ZNF610: variants seen among roughly 807,000 people sequenced by gnomAD.
The protein encoded by ZNF610 is zink finger protein.
Under a neutral mutation model 14.1 loss-of-function variants are expected in ZNF610, and 14 were observed. That is an observed-to-expected ratio of 0.99 (90% CI 0.65 to 1.55). The LOEUF is 1.55. Among genes scored for constraint, ZNF610 ranks in the 40% most tolerant of loss-of-function variants. The pLI, the probability that ZNF610 is intolerant of heterozygous loss-of-function variation, is 0.00. For synonymous variants in ZNF610, 185 were observed against 187.6 expected, an observed-to-expected ratio of 0.99 and a Z score of 0.11; for missense variants, 530 against 558.0, an observed-to-expected ratio of 0.95 and a Z score of 0.51.
chr19:52,333,279 C>A (rs2122148902), upstream of ZNF610, among the ~76,000 whole-genome samples: 2 of 152,328 alleles, frequency 1.3e-5, no homozygotes, highest in South Asian at 4.1e-4. Flanking sequence ...GCCAAGCAGG[C>A]AGTAGGTGGA....
Position 52,366,080 on chromosome 19 carries a change from T to C in ZNF610, c.702T>C (p.Cys234=), listed in dbSNP as rs545293909. ...ATACTGCAGAGAAACCTTACAAATG[T>C]ACTGAATGTGGCAAGGTCTTCAGTC... ...VIHTAEKPYK[C]TECGKVFSRN... The change falls in exon 6 of 6, where the codon TGT becomes TGC. Residue 234 remains cysteine, a synonymous_variant. Coordinates refer to ENST00000403906, the MANE Select transcript of ZNF610 (RefSeq NM_001161425.2). The C allele has an allele frequency of 1.2e-6, 2 of 1,614,120 alleles. No individual in the cohort carries two copies. Among genetic ancestry groups the C allele is most frequent in the South Asian group, 2.2e-5 (2 of 91,072 alleles).
rs1986140016 is a variant in ZNF610, at chr19:52,367,107, T to G, written c.*340T>G. The stretch of plus-strand genomic sequence containing the variant: ...ACTTCTCATGTTTTAAGTAATAAAG[T>G]TTAAAGTTTTTTTTTAGTTTTTTCT... On this transcript the variant is annotated 3_prime_UTR_variant, in exon 6 of 6. Transcript: ENST00000403906. 1.5e-5 allele frequency: 2 copies of G among 133,322 alleles called. No individual in the cohort carries two copies. Among genetic ancestry groups the G allele is most frequent in the Admixed American group, 2.1e-4 (2 of 9,330 alleles). The allele number at this position is 133,322 out of a possible 1,614,324, so 8.3% of individuals were successfully genotyped here. A position where few individuals can be genotyped will look rare whatever the true frequency, so the allele number is the denominator to read the frequency against.
At chr19:52,361,862 A>G (rs1287532591) in intron 5 of ZNF610, among the ~76,000 whole-genome samples, 3 of 151,684 alleles carry the variant, frequency 2.0e-5, no homozygotes, top group African/African-American at 7.3e-5. Context: ...CTACCTTTCT[A>G]TTTAGTTTGG....
chr19:52,357,441 C>T (rs1374575009), intron 5 of ZNF610, among the ~76,000 whole-genome samples: 4 of 151,924 alleles, frequency 2.6e-5, no homozygotes, highest in Admixed American at 6.6e-5. Context: ...GTCAGGAGAT[C>T]GAGATCATCC....
chr19:52,346,779 G>A (rs898285864), intron 1 of ZNF610, among the ~76,000 whole-genome samples: 8 of 151,918 alleles, frequency 5.3e-5, no homozygotes, highest in African/African-American at 2.4e-5. Flanking sequence ...CACCAGGCTG[G>A]AGTACAGTGG....
intron 5 of ZNF610, 53 bp from the exon 6 acceptor site, chr19:52,365,645 C>G: frequency 6.7e-7 from 1 of 1,486,648 alleles, no homozygotes. Flanking sequence ...CTCCACCAGA[C>G]GGTAAACATG....
intron 5 of ZNF610, among the ~76,000 whole-genome samples, chr19:52,355,101 A>G (rs909782034): frequency 6.6e-6 from 1 of 152,202 alleles, no homozygotes; most frequent in Non-Finnish European, 1.5e-5. Context: ...GCACCCTGTC[A>G]TGTGGCTTCT....
chr19:52,352,083 C>G (rs1985283399), intron 3 of ZNF610, among the ~76,000 whole-genome samples: 1 of 152,174 alleles, frequency 6.6e-6, no homozygotes, highest in Non-Finnish European at 1.5e-5. Flanking sequence ...GTCTTGCTGA[C>G]ATTACTCTTT....
intron 5 of ZNF610, 131 bp from the exon 6 acceptor site, chr19:52,365,567 C>T (rs1472348281): frequency 1.2e-6 from 1 of 830,132 alleles, no homozygotes; most frequent in Non-Finnish European, 1.9e-6. Flanking sequence ...TCAGCTCTCA[C>T]AATGTGACAT....
chr19:52,336,236 G>GT, upstream of ZNF610: 5 of 250,176 alleles, frequency 2.0e-5, no homozygotes, highest in Non-Finnish European at 3.9e-5. Context: ...CGCGCGCGCA[G>GT]TTTTTTGCAG....
At chr19:52,361,346 T>C (rs550705421) in intron 5 of ZNF610, among the ~76,000 whole-genome samples, 1 of 151,956 alleles carries the variant, frequency 6.6e-6, no homozygotes, top group South Asian at 2.1e-4. Context: ...GCCTGGCTAA[T>C]TTTTTGTATT....
Position 52,337,183 on chromosome 19 carries a change from T to C in ZNF610, c.-258+677T>C, listed in dbSNP as rs574910420. Among the ~76,000 whole-genome samples the C allele has an allele frequency of 1.1e-3, 161 of 143,612 alleles. 1 individual carries two copies. The Middle Eastern group carries it at 0.013, about 12-fold the overall frequency. The allele number at this position is 143,612 out of a possible 152,430, so 94.2% of individuals were successfully genotyped here. A position where few individuals can be genotyped will look rare whatever the true frequency, so the allele number is the denominator to read the frequency against. On this transcript the variant is annotated intron_variant, in intron 1 of 5. Transcript: ENST00000403906. ...AAAGGGGGAGGCTCCTCAGACAGAG[T>C]AGGGGAGAGGAGGAGGGATTTGGAG...
upstream of ZNF610, among the ~76,000 whole-genome samples, chr19:52,334,936 A>AAC (rs559202600): frequency 8.1e-3 from 339 of 41,598 alleles, 3 homozygotes; most frequent in East Asian, 0.07. Flanking sequence ...CTCAAAAACA[A>AAC]ACACACACAC....
chr19:52,365,884 CTA>C lies in ZNF610; in HGVS notation c.507_508del (p.Ser170PhefsTer7). On this transcript the variant is annotated frameshift_variant, in exon 6 of 6. Coordinates refer to ENST00000403906, the MANE Select transcript of ZNF610 (RefSeq NM_001161425.2). LOFTEE classifies it low-confidence loss of function (END_TRUNC). Reference sequence around the variant, plus strand: ...GTTTCACCACTTCAAAAAATTTCTTCTAGTTTCACAACACACATTTTTAATAA... The same window carrying C: ...GTTTCACCACTTCAAAAAATTTCTTCGTTTCACAACACACATTTTTAATAA... 1.2e-6 allele frequency: 2 copies of C among 1,613,260 alleles called. No homozygotes were observed. Among genetic ancestry groups the C allele is most frequent in the Non-Finnish European group, 1.7e-6 (2 of 1,179,802 alleles).
At chr19:52,345,911 A>G (rs321956) in intron 1 of ZNF610, among the ~76,000 whole-genome samples, 44,366 of 147,520 alleles carry the variant, frequency 0.3, 7,332 homozygotes, top group South Asian at 0.36. Flanking sequence ...TCACCATGTT[A>G]GCCAGGATGG....
upstream of ZNF610, among the ~76,000 whole-genome samples, chr19:52,335,452 T>C (rs1365790749): frequency 6.6e-6 from 1 of 152,176 alleles, no homozygotes; most frequent in African/African-American, 2.4e-5. Flanking sequence ...AAATACGGAT[T>C]CCCAGGTTGG....
chr19:52,354,509 C>A, intron 5 of ZNF610, 130 bp downstream of exon 5: 1 of 1,031,996 alleles, frequency 9.7e-7, no homozygotes, highest in Non-Finnish European at 1.4e-6. Context: ...AACTCCTGGA[C>A]TCAAGCAATC....
chr19:52,352,530 A>C (rs948832085), intron 3 of ZNF610, among the ~76,000 whole-genome samples: 4 of 152,104 alleles, frequency 2.6e-5, no homozygotes, highest in African/African-American at 7.2e-5. Flanking sequence ...GAGTCACCGC[A>C]CCGGGCCAAA....
At chr19:52,365,237 CAA>C (rs371290297) in intron 5 of ZNF610, among the ~76,000 whole-genome samples, 2,921 of 104,242 alleles carry the variant, frequency 0.028, 59 homozygotes, top group East Asian at 0.073. Context: ...GACTCCGTCT[CAA>C]AAAAAAAAAA....
Sources: gnomAD v4.1 joint callset for allele counts (sites outside exome capture counted in the v4.1 genomes callset) on GRCh38, gnomAD v4.1.1 for gene constraint, MANE v1.5 for transcripts, NCBI Gene and HGNC (gene_info 2026-07-23, HGNC 2026-07-21) for gene names.